Variants in UTRN observed in about 807,000 individuals in gnomAD.
UTRN encodes the protein dystrophin-related protein 1.
In UTRN, 283 loss-of-function variants were observed where a neutral mutation model predicts 463.9. That is an observed-to-expected ratio of 0.61 (90% CI 0.55 to 0.67). UTRN has a LOEUF of 0.67. Ranked by LOEUF, UTRN falls within the 30% of genes least tolerant of loss-of-function variation. UTRN has a pLI of 0.00. For missense variants in UTRN, 3,922 were observed against 4,084.3 expected (o/e 0.96, Z 1.08); for synonymous variants, 1,442 against 1,431.5 (o/e 1.01, Z -0.17).
intron 54 of UTRN, among the ~76,000 whole-genome samples, chr6:144,734,059 A>T (rs531931199): frequency 6.6e-6 from 1 of 152,154 alleles, no homozygotes; most frequent in Non-Finnish European, 1.5e-5. Flanking sequence ...CTGACTTCAT[A>T]TACAACCTAT....
intron 54 of UTRN, among the ~76,000 whole-genome samples, chr6:144,734,288 T>A (rs908424005): frequency 6.6e-6 from 1 of 152,220 alleles, no homozygotes; most frequent in Non-Finnish European, 1.5e-5. Context: ...TCATCAGTAC[T>A]TGCTTTTCCT....
chr6:144,374,813 G>A (rs1290902746), intron 2 of UTRN, among the ~76,000 whole-genome samples: 1 of 151,470 alleles, frequency 6.6e-6, no homozygotes, highest in East Asian at 2.0e-4. Flanking sequence ...GGGTGTGGTG[G>A]CCTGCGCCTG....
intron 3 of UTRN, among the ~76,000 whole-genome samples, chr6:144,412,141 G>T (rs983421852): frequency 6.6e-6 from 1 of 152,070 alleles, no homozygotes; most frequent in Non-Finnish European, 1.5e-5. Context: ...TAATTGAGAT[G>T]AACCTAATTT....
chr6:144,633,339 C>A (rs1436300667), intron 51 of UTRN, among the ~76,000 whole-genome samples: 2 of 151,712 alleles, frequency 1.3e-5, no homozygotes, highest in Non-Finnish European at 2.9e-5. Flanking sequence ...ACGCCATTCT[C>A]CTGCCTCAGC....
chr6:144,763,396 C>G (rs991707526), intron 58 of UTRN, among the ~76,000 whole-genome samples: 2 of 152,182 alleles, frequency 1.3e-5, no homozygotes, highest in African/African-American at 4.8e-5. Context: ...GACCTACTCT[C>G]ATTTCCCAAG....
chr6:144,796,796 G>A (rs1777259432), intron 63 of UTRN, among the ~76,000 whole-genome samples: 1 of 152,180 alleles, frequency 6.6e-6, no homozygotes. Flanking sequence ...GAGAATTGAT[G>A]TCATGGGTTA....
intron 72 of UTRN, among the ~76,000 whole-genome samples, chr6:144,839,532 C>CT (rs1239774046): frequency 9.2e-5 from 14 of 152,280 alleles, no homozygotes; most frequent in African/African-American, 2.4e-4. Context: ...AAAAAGCCTC[C>CT]TCTGCCCTTT....
chr6:144,601,139 T>A (rs1804202956), intron 51 of UTRN, among the ~76,000 whole-genome samples: 1 of 152,240 alleles, frequency 6.6e-6, no homozygotes, highest in Non-Finnish European at 1.5e-5. Context: ...AGAGCTCTGA[T>A]GGAGAGTAAT....
chr6:144,761,810 A>G (rs1792721419), intron 58 of UTRN, among the ~76,000 whole-genome samples: 1 of 152,188 alleles, frequency 6.6e-6, no homozygotes, highest in African/African-American at 2.4e-5. Context: ...ATTTCCTCAG[A>G]TAAAAGTCAA....
chr6:144,398,450 G>A (rs1433723642), intron 2 of UTRN: 2 of 361,046 alleles, frequency 5.5e-6, no homozygotes, highest in East Asian at 1.7e-4. Context: ...CATCATGGAA[G>A]CATGTGCTGG....
intron 53 of UTRN, among the ~76,000 whole-genome samples, chr6:144,713,070 AG>A (rs1203470471): frequency 3.3e-5 from 5 of 152,192 alleles, no homozygotes; most frequent in Non-Finnish European, 5.9e-5. Flanking sequence ...TGGGACCAAA[AG>A]TATTTAGATT....
At position 144,823,726 on chromosome 6, in the gene UTRN, A is replaced by G. The variant is rs542986389; in HGVS notation, c.9494+2708A>G. On this transcript the variant is annotated intron_variant, in intron 66 of 74. Coordinates refer to ENST00000367545, the MANE Select transcript of UTRN (RefSeq NM_007124.3). Reference sequence around the variant, plus strand: ...AATGAGTAGAGTTTGATTAAAGAATACTCCATTGAAAATAAATCTGAGGAA... The same window carrying G: ...AATGAGTAGAGTTTGATTAAAGAATGCTCCATTGAAAATAAATCTGAGGAA... Among the ~76,000 whole-genome samples the G allele has an allele frequency of 1.5e-3, 227 of 152,240 alleles. 1 individual carries two copies. The highest frequency in any genetic ancestry group is 5.2e-3 in the African/African-American group (217 of 41,550).
At chr6:144,822,012 TGTA>T (rs1244330911) in intron 66 of UTRN, among the ~76,000 whole-genome samples, 3 of 152,010 alleles carry the variant, frequency 2.0e-5, no homozygotes, top group Non-Finnish European at 4.4e-5. Flanking sequence ...TAGAGAAAAT[TGTA>T]GTAAGAAGTA....
At chr6:144,730,886 C>T (rs7759926) in intron 54 of UTRN, among the ~76,000 whole-genome samples, 2,184 of 151,000 alleles carry the variant, frequency 0.014, 52 homozygotes, top group African/African-American at 0.05. Context: ...AGTAAGATTA[C>T]TTTTGATAAT....
chr6:144,422,557 G>T (rs928212957), intron 4 of UTRN, among the ~76,000 whole-genome samples: 1 of 151,982 alleles, frequency 6.6e-6, no homozygotes, highest in Admixed American at 6.6e-5. Flanking sequence ...GGTGGAGGTT[G>T]CAGTGAGCCG....
At chr6:144,639,300 A>C (rs1002471458) in intron 51 of UTRN, among the ~76,000 whole-genome samples, 1 of 151,806 alleles carries the variant, frequency 6.6e-6, no homozygotes, top group Admixed American at 6.6e-5. Flanking sequence ...ACATTTGGCC[A>C]TTTTTTTCAC....
At chr6:144,725,071 T>C (rs1562821664) in intron 53 of UTRN, among the ~76,000 whole-genome samples, 2 of 152,230 alleles carry the variant, frequency 1.3e-5, no homozygotes, top group Non-Finnish European at 2.9e-5. Flanking sequence ...CAAATCTCAC[T>C]GAATTGTAAT....
At chr6:144,461,702 T>A (rs1789429692) in intron 22 of UTRN, among the ~76,000 whole-genome samples, 1 of 152,216 alleles carries the variant, frequency 6.6e-6, no homozygotes, top group Admixed American at 6.5e-5. Context: ...TTTAGTTGAG[T>A]AGCCTTATGG....
At chr6:144,657,611 A>G (rs1779455864) in intron 51 of UTRN, among the ~76,000 whole-genome samples, 1 of 152,188 alleles carries the variant, frequency 6.6e-6, no homozygotes, top group South Asian at 2.1e-4. Context: ...GTGTGGATAC[A>G]AGATATGTGG....
Sources: gnomAD v4.1 joint callset for allele counts (sites outside exome capture counted in the v4.1 genomes callset) on GRCh38, gnomAD v4.1.1 for gene constraint, MANE v1.5 for transcripts, NCBI Gene and HGNC (gene_info 2026-07-23, HGNC 2026-07-21) for gene names.